The following ZNF45 variants were observed in gnomAD, a reference collection of about 807,000 sequenced individuals.
The protein encoded by ZNF45 is BRC1744.
A neutral mutation model predicts 12.0 loss-of-function variants in ZNF45; 4 were observed. The observed-to-expected ratio is 0.33, with a 90% CI of 0.16 to 0.76. The LOEUF (loss-of-function observed/expected upper bound fraction) is 0.76. Among genes scored for constraint, ZNF45 ranks in the 30% least tolerant of loss-of-function variants. The pLI, the probability that ZNF45 is intolerant of heterozygous loss-of-function variation, is 0.60. For synonymous variants in ZNF45, 272 were observed against 279.6 expected, an observed-to-expected ratio of 0.97 and a Z score of 0.27; for missense variants, 700 against 813.0, an observed-to-expected ratio of 0.86 and a Z score of 1.69.
At chr19:43,923,735 C>T (rs1160454410) in intron 6 of ZNF45, among the ~76,000 whole-genome samples, 1 of 152,006 alleles carries the variant, frequency 6.6e-6, no homozygotes, top group Non-Finnish European at 1.5e-5. Context: ...TTTTTATGTA[C>T]CCATTAAGTA....
intron 9 of ZNF45, among the ~76,000 whole-genome samples, chr19:43,918,151 T>C (rs1224082931): frequency 6.6e-6 from 1 of 152,174 alleles, no homozygotes; most frequent in Non-Finnish European, 1.5e-5. Context: ...TTAAAAGCTA[T>C]TCTCTAAACA....
At chr19:43,923,977 T>TAAAA (rs202194694) in intron 6 of ZNF45, among the ~76,000 whole-genome samples, 1 of 100,324 alleles carries the variant, frequency 1.0e-5, no homozygotes, top group Non-Finnish European at 2.2e-5. Flanking sequence ...AAAAAAAATC[T>TAAAA]AAAAAAAAAA....
At chr19:43,925,646 G>A (rs1398207948) in intron 3 of ZNF45, among the ~76,000 whole-genome samples, 188 bp from the exon 4 acceptor site, 1 of 152,102 alleles carries the variant, frequency 6.6e-6, no homozygotes, top group African/African-American at 2.4e-5. Context: ...TTCTGAAATG[G>A]AGTCTTGCGC....
intron 3 of ZNF45, among the ~76,000 whole-genome samples, chr19:43,929,429 T>C (rs1307098260): frequency 6.6e-6 from 1 of 152,310 alleles, no homozygotes; most frequent in East Asian, 1.9e-4. Context: ...AGGGCCAGAC[T>C]AACAACCAAA....
At position 43,922,194 on chromosome 19, in the gene ZNF45, C is replaced by T. The variant is rs1371715877; in HGVS notation, c.-9G>A. On this transcript the variant is annotated 5_prime_UTR_variant, in exon 7 of 10. Transcript: ENST00000269973. ...ACCTTAGACTTCGTCATTTTGTCCT[C>T]CTCCTTCTGGAGAAGTGCCAAGTCT... 1.2e-6 allele frequency: 2 copies of T among 1,608,418 alleles called. No individual in the cohort carries two copies. Among genetic ancestry groups the T allele is most frequent in the Admixed American group, 3.3e-5 (2 of 59,890 alleles).
chr19:43,922,147 C>T (rs371101091), intron 7 of ZNF45, 24 bp downstream of exon 7: 50 of 1,606,866 alleles, frequency 3.1e-5, no homozygotes, highest in Admixed American at 1.8e-4. Context: ...ACAATTATTA[C>T]GGAGAAAGGG....
intron 9 of ZNF45, among the ~76,000 whole-genome samples, chr19:43,915,431 T>C (rs1972562727): frequency 6.6e-6 from 1 of 152,244 alleles, no homozygotes; most frequent in Non-Finnish European, 1.5e-5. Context: ...TGGAAGTTTA[T>C]TCCAAGGTTG....
At chr19:43,915,567 G>A (rs1972583153) in intron 9 of ZNF45, among the ~76,000 whole-genome samples, 1 of 152,256 alleles carries the variant, frequency 6.6e-6, no homozygotes, top group Non-Finnish European at 1.5e-5. Context: ...TAGGATCTGG[G>A]CCACACAGCA....
Position 43,914,092 on chromosome 19 carries a change from C to T in ZNF45, c.1344G>A (p.Glu448=). ...HTGEKPYKCE[E]CGKGFSQASN... is the part of the protein sequence containing the mutation. ...AGGCCTGGCTGAAGCCCTTGCCACA[C>T]TCCTCACATTTATAGGGTTTTTCCC... The change falls in exon 10 of 10, where the codon GAG becomes GAA. Residue 448 remains glutamate (E), a synonymous_variant. Transcript: ENST00000269973. 6.2e-7 allele frequency: 1 copy of T among 1,614,058 alleles called. No homozygotes were observed. Among genetic ancestry groups the T allele is most frequent in the East Asian group, 2.2e-5 (1 of 44,868 alleles).
At position 43,914,332 on chromosome 19, in the gene ZNF45, AC is replaced by A; in HGVS notation, c.1103del (p.Gly368ValfsTer13). The stretch of plus-strand genomic sequence containing the variant: ...CCTGAAGGTGTGAACCCACACTGAA[AC>A]CTTTCCCACACTCCTCACACTTATA... ...KPYKCEECGK[G>X]FSVGSHLQAH... is the part of the protein sequence containing the mutation. On this transcript the variant is annotated frameshift_variant, in exon 10 of 10. Transcript: ENST00000269973. LOFTEE classifies it low-confidence loss of function (END_TRUNC). The A allele has an allele frequency of 6.2e-7, 1 of 1,604,966 alleles. No homozygotes were observed. The highest frequency in any genetic ancestry group is 1.7e-5 in the Admixed American group (1 of 59,158).
intron 1 of ZNF45, 29 bp from the exon 2 acceptor site, chr19:43,934,723 G>C (rs948431981): frequency 6.6e-6 from 1 of 152,168 alleles, no homozygotes; most frequent in Non-Finnish European, 1.5e-5. Context: ...AGAGCCAGGC[G>C]CTTGCTGAAA....
At position 43,922,159 on chromosome 19, in the gene ZNF45, G is replaced by C; in HGVS notation, c.15+12C>G. The C allele has an allele frequency of 1.9e-6, 3 of 1,609,438 alleles. No individual in the cohort carries two copies. Among genetic ancestry groups the C allele is most frequent in the Non-Finnish European group, 2.5e-6 (3 of 1,176,846 alleles). ...ATGACAATTATTACGGAGAAAGGGA[G>C]GTCCAACTCACCTTAGACTTCGTCA... On this transcript the variant is annotated intron_variant, in intron 7 of 9. Transcript: ENST00000269973.
intron 6 of ZNF45, among the ~76,000 whole-genome samples, chr19:43,922,827 T>TTTG (rs1973311719): frequency 7.1e-6 from 1 of 140,252 alleles, no homozygotes; most frequent in Non-Finnish European, 1.6e-5. Context: ...TTTGTTTTTT[T>TTTG]TTTTTTTTTT....
intron 3 of ZNF45, among the ~76,000 whole-genome samples, chr19:43,925,905 T>C (rs996254150): frequency 1.3e-5 from 2 of 152,254 alleles, no homozygotes; most frequent in Admixed American, 6.5e-5. Context: ...AGTGCTGGGA[T>C]TATAGGCGTA....
At chr19:43,930,555 C>T (rs912308428) in intron 3 of ZNF45, among the ~76,000 whole-genome samples, 1 of 152,170 alleles carries the variant, frequency 6.6e-6, no homozygotes, top group Non-Finnish European at 1.5e-5. Flanking sequence ...ACCCAGGAAA[C>T]CAGGGGCATG....
intron 3 of ZNF45, among the ~76,000 whole-genome samples, chr19:43,931,658 A>T (rs1179248516): frequency 6.6e-6 from 1 of 152,230 alleles, no homozygotes; most frequent in Non-Finnish European, 1.5e-5. Context: ...GACTTACTAC[A>T]TGCGAGGCAC....
At position 43,913,727 on chromosome 19, in the gene ZNF45, T is replaced by C. The variant is rs763143072; in HGVS notation, c.1709A>G (p.Asn570Ser). The C allele has an allele frequency of 6.2e-7, 1 of 1,607,428 alleles. No individual in the cohort carries two copies. The highest frequency in any genetic ancestry group is 1.1e-5 in the South Asian group (1 of 90,762). ...GTGGACTCCACGATGTGCCAGAAAA[T>C]TGGAGGCCCGACAGAAGCCCTTCCC... ...ECGKGFCRAS[N>S]FLAHRGVHTG... is the part of the protein sequence containing the mutation. The change falls in exon 10 of 10, where the codon AAT (asparagine) becomes AGT (serine). Residue 570 changes from asparagine (N) to serine (S), a missense_variant. Physicochemically the swap from Asn to Ser is conservative, Grantham distance 46. Coordinates refer to ENST00000269973, the MANE Select transcript of ZNF45 (RefSeq NM_003425.4).
chr19:43,934,282 AGT>A, intron 2 of ZNF45, 142 bp downstream of exon 2: 1 of 152,356 alleles, frequency 6.6e-6, no homozygotes, highest in East Asian at 1.9e-4. Context: ...GTGAAGGTTC[AGT>A]GTGTTAGTTT....
chr19:43,922,260 C>T, intron 6 of ZNF45, 43 bp from the exon 7 acceptor site: 1 of 1,411,086 alleles, frequency 7.1e-7, no homozygotes, highest in Non-Finnish European at 9.6e-7. Context: ...AGAAAAAAGC[C>T]ATGAGAGTTT....
Sources: gnomAD v4.1 joint callset for allele counts (sites outside exome capture counted in the v4.1 genomes callset) on GRCh38, gnomAD v4.1.1 for gene constraint, MANE v1.5 for transcripts, NCBI Gene and HGNC (gene_info 2026-07-23, HGNC 2026-07-21) for gene names.